The following RARB variants were observed in gnomAD, a reference collection of about 807,000 sequenced individuals.
RARB encodes HBV-activated protein.
Under a neutral mutation model 51.9 loss-of-function variants are expected in RARB, and 17 were observed. The observed-to-expected ratio is 0.33, with a 90% CI of 0.22 to 0.49. The LOEUF (loss-of-function observed/expected upper bound fraction) is 0.49. Among genes scored for constraint, RARB ranks in the 20% least tolerant of loss-of-function variants. The pLI is 0.99. For synonymous variants in RARB, 215 were observed against 195.4 expected (o/e 1.10, Z -0.84); for missense variants, 369 against 550.8 (o/e 0.67, Z 3.30).
intron 2 of RARB, among the ~76,000 whole-genome samples, chr3:25,001,827 T>G (rs1697167618): frequency 1.3e-5 from 2 of 152,174 alleles, no homozygotes; most frequent in Non-Finnish European, 2.9e-5. Flanking sequence ...TTATCACTAC[T>G]ACGCATCCAT....
At chr3:25,498,193 A>G (rs1156573677) in intron 2 of RARB, among the ~76,000 whole-genome samples, 1 of 152,188 alleles carries the variant, frequency 6.6e-6, no homozygotes, top group Non-Finnish European at 1.5e-5. Flanking sequence ...AGTGTCAAAA[A>G]TAGAAGGAGG....
chr3:25,462,715 C>A (rs921999794), intron 2 of RARB, among the ~76,000 whole-genome samples: 1 of 152,204 alleles, frequency 6.6e-6, no homozygotes, highest in Non-Finnish European at 1.5e-5. Flanking sequence ...TAGGCTCCAC[C>A]ATGTATCTCT....
chr3:25,461,108 G>A (rs1695156461), intron 1 of RARB, 85 bp from the exon 2 acceptor site: 1 of 1,439,546 alleles, frequency 6.9e-7, no homozygotes, highest in Non-Finnish European at 9.3e-7. Flanking sequence ...ATTTGGGGCA[G>A]AAGCATATGA....
At chr3:25,501,434 G>C in intron 3 of RARB, 111 bp downstream of exon 3, 1 of 1,361,542 alleles carries the variant, frequency 7.3e-7, no homozygotes, top group Non-Finnish European at 9.9e-7. Context: ...CTTGCCAAGG[G>C]TAGGTGTGAA....
intron 3 of RARB, among the ~76,000 whole-genome samples, chr3:25,515,043 A>G (rs1047822953): frequency 2.6e-5 from 4 of 152,226 alleles, no homozygotes; most frequent in Admixed American, 6.5e-5. Context: ...GAAGAAAGGC[A>G]TCAGGGCTTC....
intron 5 of RARB, among the ~76,000 whole-genome samples, chr3:25,200,621 A>G (rs1033034727): frequency 3.3e-5 from 5 of 152,140 alleles, no homozygotes; most frequent in African/African-American, 1.2e-4. Context: ...TTTTTGTACA[A>G]GGTGTAAGGA....
At chr3:25,043,358 G>A (rs1480874130) in intron 2 of RARB, among the ~76,000 whole-genome samples, 1 of 152,204 alleles carries the variant, frequency 6.6e-6, no homozygotes, top group Admixed American at 6.5e-5. Flanking sequence ...TCTTACACCA[G>A]TGACTCATTT....
chr3:25,339,377 G>C (rs78497376), intron 5 of RARB, among the ~76,000 whole-genome samples: 2,916 of 152,270 alleles, frequency 0.019, 33 homozygotes, highest in Non-Finnish European at 0.031. Context: ...CCATGTTCAA[G>C]TAGGGCAAAC....
chr3:25,570,743 T>G (rs1373387928), intron 4 of RARB, among the ~76,000 whole-genome samples: 1 of 152,224 alleles, frequency 6.6e-6, no homozygotes, highest in African/African-American at 2.4e-5. Flanking sequence ...ACTCAGTAGA[T>G]ATTTGATGAA....
At chr3:25,490,923 G>T (rs964788103) in intron 2 of RARB, among the ~76,000 whole-genome samples, 1 of 152,114 alleles carries the variant, frequency 6.6e-6, no homozygotes, top group African/African-American at 2.4e-5. Context: ...GCGAAATCTT[G>T]CATTTTAGAG....
intron 2 of RARB, among the ~76,000 whole-genome samples, chr3:25,468,106 C>T (rs1167810867): frequency 3.3e-5 from 5 of 152,150 alleles, no homozygotes; most frequent in Non-Finnish European, 5.9e-5. Flanking sequence ...CTTGGATTCT[C>T]GGAGCATTTC....
At chr3:25,426,257 C>T (rs12630816), upstream of RARB, among the ~76,000 whole-genome samples, 7,947 of 152,210 alleles carry the variant, frequency 0.052, 278 homozygotes, top group Middle Eastern at 0.092. Flanking sequence ...GGGTTTCTTA[C>T]AATAAGTCTC....
intron 2 of RARB, among the ~76,000 whole-genome samples, chr3:25,493,768 A>C (rs888333094): frequency 5.9e-5 from 9 of 152,160 alleles, no homozygotes; most frequent in Non-Finnish European, 1.0e-4. Flanking sequence ...GCTTTTTACA[A>C]CTAAATATAG....
intron 3 of RARB, among the ~76,000 whole-genome samples, chr3:25,539,472 G>A (rs1382415284): frequency 6.7e-6 from 1 of 148,292 alleles, no homozygotes; most frequent in Non-Finnish European, 1.5e-5. Flanking sequence ...CGCTTTTGTG[G>A]TATGCTTCAG....
At chr3:24,834,698 G>A (rs574080530) in intron 1 of RARB, among the ~76,000 whole-genome samples, 4 of 152,292 alleles carry the variant, frequency 2.6e-5, no homozygotes, top group Non-Finnish European at 4.4e-5. Context: ...CATTGGACTC[G>A]AAGGTCAAGA....
At chr3:25,043,212 A>G (rs938850851) in intron 2 of RARB, among the ~76,000 whole-genome samples, 1 of 152,120 alleles carries the variant, frequency 6.6e-6, no homozygotes, top group African/African-American at 2.4e-5. Flanking sequence ...TTCTAACATT[A>G]TTGGAATCCA....
chr3:25,062,850 A>G (rs1027066581), intron 3 of RARB, among the ~76,000 whole-genome samples: 1 of 151,984 alleles, frequency 6.6e-6, no homozygotes, highest in African/African-American at 2.4e-5. Context: ...GACCATTGTG[A>G]CAGTTGCAAA....
chr3:25,423,605 A>T (rs1181876449), upstream of RARB, among the ~76,000 whole-genome samples: 2 of 152,228 alleles, frequency 1.3e-5, no homozygotes, highest in Non-Finnish European at 2.9e-5. Flanking sequence ...TAATGAATAC[A>T]TGTAGAGGAC....
intron 2 of RARB, among the ~76,000 whole-genome samples, chr3:24,986,404 A>T (rs1696795282): frequency 6.6e-6 from 1 of 152,232 alleles, no homozygotes; most frequent in African/African-American, 2.4e-5. Flanking sequence ...TGGAAGATAA[A>T]AATTATTTTA....
Sources: allele counts gnomAD v4.1 joint callset (sites outside exome capture counted in the v4.1 genomes callset), GRCh38; gene constraint gnomAD v4.1.1; transcripts MANE v1.5; gene names NCBI Gene and HGNC (gene_info 2026-07-23, HGNC 2026-07-21).